Variants in SND1 observed in about 807,000 individuals in gnomAD.
SND1 encodes staphylococcal nuclease domain-containing protein 1.
Under a neutral mutation model 121.7 loss-of-function variants are expected in SND1, and 38 were observed. That is an observed-to-expected ratio of 0.31 (90% CI 0.24 to 0.41). The LOEUF (loss-of-function observed/expected upper bound fraction) is 0.41. Ranked by LOEUF, SND1 falls within the 10% of genes least tolerant of loss-of-function variation. The pLI is 1.00. For synonymous variants in SND1, 401 were observed against 447.4 expected (o/e 0.90, Z 1.31); for missense variants, 868 against 1,184.6 (o/e 0.73, Z 3.92).
intron 11 of SND1, among the ~76,000 whole-genome samples, chr7:127,821,269 G>A (rs930288827): frequency 1.3e-5 from 2 of 152,208 alleles, no homozygotes; most frequent in Non-Finnish European, 2.9e-5. Context: ...TAATGATGCA[G>A]TAGCCTGATG....
chr7:127,686,359 G>A (rs1236161048), intron 1 of SND1, among the ~76,000 whole-genome samples: 1 of 152,162 alleles, frequency 6.6e-6, no homozygotes. Flanking sequence ...TTTTACCCCA[G>A]TCTGTTTATT....
chr7:127,737,055 G>C (rs561924302), intron 10 of SND1, among the ~76,000 whole-genome samples: 19 of 151,160 alleles, frequency 1.3e-4, no homozygotes, highest in African/African-American at 4.1e-4. Flanking sequence ...CCCCAAGTAA[G>C]TGTATGTAAA....
intron 10 of SND1, among the ~76,000 whole-genome samples, chr7:127,767,228 A>G (rs563215101): frequency 5.0e-4 from 76 of 152,186 alleles, no homozygotes; most frequent in Non-Finnish European, 7.8e-4. Context: ...CCCTTCCCCC[A>G]TCCCTTTCCA....
chr7:127,680,715 G>T (rs1795708183), intron 1 of SND1, among the ~76,000 whole-genome samples: 1 of 150,840 alleles, frequency 6.6e-6, no homozygotes, highest in African/African-American at 2.4e-5. Flanking sequence ...TCTACAGTTT[G>T]TACAGTTAAC....
At chr7:127,921,915 G>A (rs1373383238) in intron 14 of SND1, among the ~76,000 whole-genome samples, 1 of 152,080 alleles carries the variant, frequency 6.6e-6, no homozygotes, top group East Asian at 1.9e-4. Flanking sequence ...ACCCAGTTGA[G>A]GGATATTTAG....
intron 1 of SND1, among the ~76,000 whole-genome samples, chr7:127,681,770 C>T (rs1795732212): frequency 6.6e-6 from 1 of 152,074 alleles, no homozygotes; most frequent in African/African-American, 2.4e-5. Context: ...ATCCTGGCAC[C>T]CTTGTTCAAA....
intron 14 of SND1, chr7:127,928,256 G>A (rs938389861): frequency 6.6e-6 from 1 of 152,182 alleles, no homozygotes; most frequent in African/African-American, 2.4e-5. Context: ...ACATGAAGTA[G>A]TATTTGTCTC....
chr7:127,883,060 T>A (rs1799825335), intron 12 of SND1, among the ~76,000 whole-genome samples: 1 of 152,166 alleles, frequency 6.6e-6, no homozygotes, highest in Admixed American at 6.5e-5. Flanking sequence ...GTCAACAGTT[T>A]CCATTAGGCA....
chr7:127,934,622 G>C (rs1451349989), intron 15 of SND1, among the ~76,000 whole-genome samples: 3 of 152,064 alleles, frequency 2.0e-5, no homozygotes, highest in Admixed American at 6.5e-5. Flanking sequence ...GGGGGGTGGT[G>C]TTGAGTGGAG....
intron 16 of SND1, among the ~76,000 whole-genome samples, chr7:127,997,263 T>C (rs1237534272): frequency 6.6e-6 from 1 of 152,222 alleles, no homozygotes; most frequent in Admixed American, 6.5e-5. Context: ...ATAATTCTTT[T>C]AGCCATATTT....
intron 16 of SND1, among the ~76,000 whole-genome samples, chr7:128,053,327 C>G (rs1259478234): frequency 6.6e-6 from 1 of 152,216 alleles, no homozygotes; most frequent in Non-Finnish European, 1.5e-5. Context: ...TAGCCTCAGC[C>G]ACTCCAGCAC....
At chr7:127,892,382 T>C (rs1266862482) in intron 13 of SND1, among the ~76,000 whole-genome samples, 1 of 152,072 alleles carries the variant, frequency 6.6e-6, no homozygotes, top group African/African-American at 2.4e-5. Flanking sequence ...GCCTGTTGCT[T>C]TCAAGCATAT....
intron 16 of SND1, among the ~76,000 whole-genome samples, chr7:128,068,987 G>A (rs976380323): frequency 2.0e-5 from 3 of 152,234 alleles, no homozygotes; most frequent in Non-Finnish European, 2.9e-5. Flanking sequence ...CAGGTCCAGC[G>A]TCGAGCTGCT....
intron 1 of SND1, among the ~76,000 whole-genome samples, chr7:127,678,095 A>G (rs887941844): frequency 6.6e-6 from 1 of 152,216 alleles, no homozygotes; most frequent in Non-Finnish European, 1.5e-5. Flanking sequence ...TGAGAAAAAG[A>G]TTTAATCAGT....
At chr7:127,774,734 A>AT (rs1797583308) in intron 10 of SND1, among the ~76,000 whole-genome samples, 1 of 152,096 alleles carries the variant, frequency 6.6e-6, no homozygotes, top group Admixed American at 6.5e-5. Flanking sequence ...ATGTGCCACC[A>AT]TGCCCGGCTA....
chr7:127,837,184 A>G (rs1231280136), intron 11 of SND1, among the ~76,000 whole-genome samples: 1 of 152,228 alleles, frequency 6.6e-6, no homozygotes, highest in Admixed American at 6.5e-5. Context: ...AGAACCACAG[A>G]TAGGATAGAG....
chr7:127,863,547 G>T (rs1019900779), intron 12 of SND1, among the ~76,000 whole-genome samples: 13 of 152,166 alleles, frequency 8.5e-5, no homozygotes, highest in African/African-American at 3.1e-4. Context: ...TTGAACATAT[G>T]AATTAACCAG....
At chr7:128,000,368 C>CTT (rs34812649) in intron 16 of SND1, among the ~76,000 whole-genome samples, 9,502 of 135,118 alleles carry the variant, frequency 0.07, 996 homozygotes, top group African/African-American at 0.21. Flanking sequence ...GCTTTTGCTT[C>CTT]TTTTTTTTTT....
intron 3 of SND1, 94 bp from the exon 4 acceptor site, chr7:127,698,781 G>A: frequency 2.2e-6 from 2 of 918,428 alleles, no homozygotes; most frequent in South Asian, 2.7e-5. Context: ...TATTCTCCTT[G>A]AGGAGCTAAG....
Sources: gnomAD v4.1 joint callset for allele counts (sites outside exome capture counted in the v4.1 genomes callset) on GRCh38, gnomAD v4.1.1 for gene constraint, MANE v1.5 for transcripts, NCBI Gene and HGNC (gene_info 2026-07-23, HGNC 2026-07-21) for gene names.